Variants in ANO3 observed in about 807,000 individuals in gnomAD.
ANO3 encodes the protein anoctamin-3.
In ANO3, 99 loss-of-function variants were observed where a neutral mutation model predicts 144.8. The observed-to-expected ratio is 0.68, with a 90% CI of 0.58 to 0.81. The LOEUF (loss-of-function observed/expected upper bound fraction) is 0.81. ANO3 is among the 30% of genes least tolerant of loss of function. The probability of loss-of-function intolerance (pLI) is 0.00; values close to 1 mark genes in which losing one functional copy is unlikely to be tolerated. For missense variants in ANO3, 905 were observed against 1,202.2 expected, an observed-to-expected ratio of 0.75 and a Z score of 3.66; for synonymous variants, 414 against 392.6, an observed-to-expected ratio of 1.05 and a Z score of -0.64.
chr11:26,267,763 T>C (rs1374431746), intron 1 of ANO3, among the ~76,000 whole-genome samples: 1 of 152,190 alleles, frequency 6.6e-6, no homozygotes, highest in Non-Finnish European at 1.5e-5. Flanking sequence ...AATGATCTTG[T>C]GCACTTATTT....
intron 1 of ANO3, among the ~76,000 whole-genome samples, chr11:26,299,248 G>A (rs996417908): frequency 6.6e-6 from 1 of 152,154 alleles, no homozygotes; most frequent in African/African-American, 2.4e-5. Context: ...AGCTAAGTGG[G>A]GGAAGTTTAT....
intron 4 of ANO3, among the ~76,000 whole-genome samples, chr11:26,466,701 G>C (rs1859614433): frequency 6.6e-6 from 1 of 152,074 alleles, no homozygotes; most frequent in South Asian, 2.1e-4. Flanking sequence ...TCGCAACTGA[G>C]ACCAGAAGAG....
intron 18 of ANO3, among the ~76,000 whole-genome samples, chr11:26,633,191 G>A (rs377707226): frequency 2.0e-5 from 3 of 152,114 alleles, no homozygotes; most frequent in Non-Finnish European, 2.9e-5. Context: ...TAGATGAGAC[G>A]TATCTATTTT....
At chr11:26,634,430 G>A in intron 19 of ANO3, 115 bp downstream of exon 19, 2 of 645,916 alleles carry the variant, frequency 3.1e-6, no homozygotes, top group Non-Finnish European at 5.3e-6. Flanking sequence ...AGCTAAAGTT[G>A]GCACAAAAAA....
At chr11:26,632,169 G>A (rs1350747949) in intron 18 of ANO3, among the ~76,000 whole-genome samples, 1 of 150,776 alleles carries the variant, frequency 6.6e-6, no homozygotes, top group African/African-American at 2.5e-5. Context: ...TCCAGCCTGG[G>A]CGACAAAGTG....
chr11:26,658,892 T>A (rs1590690110), intron 26 of ANO3, among the ~76,000 whole-genome samples: 1 of 152,162 alleles, frequency 6.6e-6, no homozygotes, highest in South Asian at 2.1e-4. Context: ...TAGACTATTA[T>A]CTACTAAGAA....
intron 14 of ANO3, among the ~76,000 whole-genome samples, chr11:26,592,938 G>T (rs1198367336): frequency 2.6e-5 from 4 of 151,988 alleles, no homozygotes; most frequent in Non-Finnish European, 5.9e-5. Context: ...TTTCCCGGAG[G>T]GGATTACTCC....
At chr11:26,501,243 A>G (rs1216812858) in intron 4 of ANO3, among the ~76,000 whole-genome samples, 1 of 152,188 alleles carries the variant, frequency 6.6e-6, no homozygotes, top group Non-Finnish European at 1.5e-5. Context: ...TGCAGAGGCA[A>G]CATAACCAAG....
At chr11:26,656,007 A>T in intron 24 of ANO3, 118 bp from the exon 25 acceptor site, 3 of 803,772 alleles carry the variant, frequency 3.7e-6, no homozygotes, top group Non-Finnish European at 5.9e-6. Context: ...GGTTGCTAAA[A>T]GTTTATCATT....
At chr11:26,583,467 T>G (rs1851188276) in intron 14 of ANO3, among the ~76,000 whole-genome samples, 3 of 152,344 alleles carry the variant, frequency 2.0e-5, no homozygotes, top group Admixed American at 2.0e-4. Context: ...GTTCCAGATA[T>G]TGCGCTGTGT....
Position 26,340,636 on chromosome 11 carries a change from AT to A in ANO3, c.46+8316del, listed in dbSNP as rs1194282727. On this transcript the variant is annotated intron_variant, in intron 1 of 26. Transcript: ENST00000256737. ...AATTTGCTAATACAATATTATAACT[AT>A]GTGCACATTAGAGAATGAATTTAAA... 2.0e-5 allele frequency among the ~76,000 whole-genome samples: 3 copies of A among 152,228 alleles called. No individual in the cohort carries two copies. In the East Asian group the frequency reaches 5.8e-4, roughly 29 times the overall value.
At chr11:26,236,782 C>T (rs1374229116) in intron 1 of ANO3, among the ~76,000 whole-genome samples, 7 of 138,942 alleles carry the variant, frequency 5.0e-5, no homozygotes, top group African/African-American at 1.9e-4. Context: ...CGCGCCACTG[C>T]ACTCCAGCCT....
At chr11:26,267,811 T>C (rs1853347951) in intron 1 of ANO3, among the ~76,000 whole-genome samples, 1 of 152,136 alleles carries the variant, frequency 6.6e-6, no homozygotes, top group South Asian at 2.1e-4. Flanking sequence ...TGGAGAAAAG[T>C]CCTGAGATTA....
intron 1 of ANO3, among the ~76,000 whole-genome samples, chr11:26,407,928 C>A (rs1327863068): frequency 1.3e-5 from 2 of 151,850 alleles, no homozygotes; most frequent in Admixed American, 1.3e-4. Flanking sequence ...GAAGACTCAT[C>A]TCCCCCATTT....
intron 1 of ANO3, among the ~76,000 whole-genome samples, chr11:26,434,795 G>A (rs1858237383): frequency 1.3e-5 from 2 of 152,008 alleles, no homozygotes; most frequent in African/African-American, 4.8e-5. Flanking sequence ...GAGTGTGTTT[G>A]GTATCATTTT....
At chr11:26,515,796 G>A (rs1301233152) in intron 5 of ANO3, among the ~76,000 whole-genome samples, 1 of 151,894 alleles carries the variant, frequency 6.6e-6, no homozygotes, top group African/African-American at 2.4e-5. Context: ...TGCATCTAAA[G>A]GGAAGCAAAC....
intron 3 of ANO3, among the ~76,000 whole-genome samples, chr11:26,444,175 A>G (rs1858625849): frequency 6.6e-6 from 1 of 152,166 alleles, no homozygotes; most frequent in African/African-American, 2.4e-5. Context: ...ACACTCAGAG[A>G]TTCTATCCTG....
At chr11:26,468,382 G>A (rs1859672870) in intron 4 of ANO3, among the ~76,000 whole-genome samples, 2 of 151,842 alleles carry the variant, frequency 1.3e-5, no homozygotes, top group Non-Finnish European at 2.9e-5. Flanking sequence ...AAAGGATATT[G>A]GGTATCAAAT....
chr11:26,495,273 T>C (rs1319182283), intron 4 of ANO3, among the ~76,000 whole-genome samples: 4 of 144,656 alleles, frequency 2.8e-5, no homozygotes, highest in Non-Finnish European at 4.6e-5. Context: ...TGGCTGATTT[T>C]TTTTTTTTTT....
Sources: gnomAD v4.1 joint callset for allele counts (sites outside exome capture counted in the v4.1 genomes callset) on GRCh38, gnomAD v4.1.1 for gene constraint, MANE v1.5 for transcripts, NCBI Gene and HGNC (gene_info 2026-07-23, HGNC 2026-07-21) for gene names.